The following COL21A1 variants were observed in gnomAD, a reference collection of about 807,000 sequenced individuals.
COL21A1 encodes collagen type XXI alpha 1 chain, also known as collagen alpha-1(XXI) chain.
COL21A1 carries 149 observed loss-of-function variants against 137.9 expected under a neutral mutation model. The observed-to-expected ratio is 1.08, with a 90% CI of 0.95 to 1.24. The LOEUF (loss-of-function observed/expected upper bound fraction) is 1.24. Ranked by LOEUF, COL21A1 falls within the 50% of genes most tolerant of loss-of-function variation. The pLI is 0.00. For synonymous variants in COL21A1, 456 were observed against 391.5 expected (o/e 1.16, Z -1.95); for missense variants, 1,167 against 1,158.4 (o/e 1.01, Z -0.11).
intron 16 of COL21A1, among the ~76,000 whole-genome samples, chr6:56,106,945 C>T (rs1231112822): frequency 6.6e-6 from 1 of 152,088 alleles, no homozygotes; most frequent in East Asian, 1.9e-4. Flanking sequence ...CGCCACCACG[C>T]CCGGCTAATT....
At chr6:56,284,519 T>C (rs997598670) in intron 1 of COL21A1, among the ~76,000 whole-genome samples, 2 of 152,200 alleles carry the variant, frequency 1.3e-5, no homozygotes, top group African/African-American at 4.8e-5. Flanking sequence ...GTCTACTGAC[T>C]ATGGCTTTTC....
intron 1 of COL21A1, among the ~76,000 whole-genome samples, chr6:56,188,956 CT>C (rs1048224569): frequency 1.3e-5 from 2 of 152,168 alleles, no homozygotes; most frequent in African/African-American, 4.8e-5. Context: ...AGGACCCCAT[CT>C]GAAGGTCACC....
At chr6:56,124,854 C>T (rs1772891101) in intron 14 of COL21A1, among the ~76,000 whole-genome samples, 1 of 151,886 alleles carries the variant, frequency 6.6e-6, no homozygotes. Flanking sequence ...ACCGTGTTAG[C>T]CAGGATGGTC....
At chr6:56,338,140 T>C (rs1765377401) in intron 1 of COL21A1, among the ~76,000 whole-genome samples, 1 of 151,960 alleles carries the variant, frequency 6.6e-6, no homozygotes, top group Admixed American at 6.6e-5. Context: ...TTTTTGTATT[T>C]TTTTAGTAGA....
chr6:56,127,188 C>A (rs1025039031), intron 12 of COL21A1, among the ~76,000 whole-genome samples: 1 of 152,164 alleles, frequency 6.6e-6, no homozygotes, highest in Non-Finnish European at 1.5e-5. Flanking sequence ...AGACAAAAAT[C>A]CCCTTAATCC....
At chr6:56,306,631 T>G (rs1159258697) in intron 1 of COL21A1, among the ~76,000 whole-genome samples, 1 of 152,210 alleles carries the variant, frequency 6.6e-6, no homozygotes, top group Non-Finnish European at 1.5e-5. Flanking sequence ...TAGCCATTTA[T>G]CTAATTTTTT....
intron 10 of COL21A1, among the ~76,000 whole-genome samples, chr6:56,143,187 T>C (rs1322473149): frequency 6.6e-6 from 1 of 150,834 alleles, no homozygotes; most frequent in Non-Finnish European, 1.5e-5. Flanking sequence ...TGACAATGAC[T>C]ATACAATTTT....
chr6:56,098,548 A>T (rs868861016), intron 17 of COL21A1, among the ~76,000 whole-genome samples: 1 of 16,808 alleles, frequency 5.9e-5, no homozygotes, highest in Non-Finnish European at 9.3e-5. Flanking sequence ...TAAATATATA[A>T]ATATATATAA....
At chr6:56,214,143 A>G (rs1780346911) in intron 1 of COL21A1, among the ~76,000 whole-genome samples, 1 of 152,044 alleles carries the variant, frequency 6.6e-6, no homozygotes, top group Non-Finnish European at 1.5e-5. Context: ...CAGGAAAAAC[A>G]TTGCAGAATT....
intron 1 of COL21A1, among the ~76,000 whole-genome samples, chr6:56,389,647 C>T (rs551888551): frequency 6.6e-6 from 1 of 152,106 alleles, no homozygotes; most frequent in Non-Finnish European, 1.5e-5. Context: ...CATAATCAAA[C>T]TCTCGAAGGT....
chr6:56,347,527 A>G (rs540725282), intron 1 of COL21A1, among the ~76,000 whole-genome samples: 1 of 144,718 alleles, frequency 6.9e-6, no homozygotes, highest in African/African-American at 2.9e-5. Context: ...TAAAAAAAAA[A>G]AAAAAAAAAA....
At chr6:56,092,695 A>G (rs12213571) in intron 17 of COL21A1, among the ~76,000 whole-genome samples, 23,102 of 152,152 alleles carry the variant, frequency 0.15, 1,777 homozygotes, top group Middle Eastern at 0.22. Flanking sequence ...ACACCAATAC[A>G]TACTCACATA....
intron 1 of COL21A1, among the ~76,000 whole-genome samples, chr6:56,266,783 A>C (rs867017272): frequency 1.2e-4 from 19 of 152,226 alleles, no homozygotes; most frequent in African/African-American, 4.1e-4. Flanking sequence ...TAATCTTAAG[A>C]ATCACTTTAT....
intron 12 of COL21A1, among the ~76,000 whole-genome samples, chr6:56,126,976 T>A (rs1318519952): frequency 6.6e-6 from 1 of 152,200 alleles, no homozygotes; most frequent in Non-Finnish European, 1.5e-5. Flanking sequence ...TAAAGAGTGA[T>A]ATATTTATTC....
At chr6:56,107,083 G>A (rs1215029186) in intron 16 of COL21A1, among the ~76,000 whole-genome samples, 4 of 151,976 alleles carry the variant, frequency 2.6e-5, no homozygotes, top group African/African-American at 7.2e-5. Flanking sequence ...CACCGCGCCC[G>A]GCCAAGTATT....
At chr6:56,267,530 G>A (rs942218532) in intron 1 of COL21A1, among the ~76,000 whole-genome samples, 1 of 152,016 alleles carries the variant, frequency 6.6e-6, no homozygotes, top group East Asian at 1.9e-4. Flanking sequence ...GCAGAGGTGG[G>A]CAGATCATAT....
chr6:56,325,693 T>TA (rs1765041789), intron 1 of COL21A1, among the ~76,000 whole-genome samples: 2 of 796 alleles, frequency 2.5e-3, no homozygotes, highest in Non-Finnish European at 0.05. Context: ...ATAATATAAA[T>TA]ATATATAATA....
At chr6:56,194,604 A>C (rs984455216) in intron 1 of COL21A1, among the ~76,000 whole-genome samples, 1 of 152,180 alleles carries the variant, frequency 6.6e-6, no homozygotes, top group Admixed American at 6.5e-5. Context: ...CTTGGTAGAG[A>C]AGTAAATTAG....
At chr6:56,118,696 A>G (rs1380534020) in intron 16 of COL21A1, among the ~76,000 whole-genome samples, 1 of 152,056 alleles carries the variant, frequency 6.6e-6, no homozygotes, top group Non-Finnish European at 1.5e-5. Context: ...CTAACAAACC[A>G]AATTCAACAA....
Sources: allele counts gnomAD v4.1 joint callset (sites outside exome capture counted in the v4.1 genomes callset), GRCh38; gene constraint gnomAD v4.1.1; transcripts MANE v1.5; gene names NCBI Gene and HGNC (gene_info 2026-07-23, HGNC 2026-07-21).